Variants in LOC400499 observed in about 807,000 individuals in gnomAD.
At chr16:11,431,699 C>G in the LOC400499 span, among the ~76,000 whole-genome samples, 1 of 152,144 alleles carries the variant, frequency 6.6e-6, no homozygotes, top group African/African-American at 2.4e-5. Context: ...AGCTGCTGTG[C>G]CTGGCCTTGA....
the LOC400499 span, among the ~76,000 whole-genome samples, chr16:11,414,935 C>A: frequency 1.3e-5 from 2 of 152,206 alleles, no homozygotes; most frequent in Non-Finnish European, 2.9e-5. Context: ...CTCACCCCAC[C>A]AGAAGGTCAG....
chr16:11,488,689 G>A, the LOC400499 span: 1,553 of 398,868 alleles, frequency 3.9e-3, 16 homozygotes, highest in African/African-American at 0.015. Context: ...CAGGACAGGG[G>A]CTGCCCAGGA....
chr16:11,488,768 T>C, the LOC400499 span: 5 of 398,962 alleles, frequency 1.3e-5, no homozygotes, highest in Non-Finnish European at 2.2e-5. Flanking sequence ...GTGGAACTCC[T>C]GGCTGAGGAT....
the LOC400499 span, among the ~76,000 whole-genome samples, chr16:11,405,676 C>T: frequency 6.6e-6 from 1 of 152,146 alleles, no homozygotes; most frequent in South Asian, 2.1e-4. Flanking sequence ...TCACTACTGC[C>T]CCCAGCTTGG....
chr16:11,396,085 C>T, the LOC400499 span, among the ~76,000 whole-genome samples: 1 of 152,250 alleles, frequency 6.6e-6, no homozygotes, highest in Non-Finnish European at 1.5e-5. Flanking sequence ...TTCTCTCAGG[C>T]ACTGCTCTAA....
chr16:11,398,164 C>T, the LOC400499 span, among the ~76,000 whole-genome samples: 1 of 152,198 alleles, frequency 6.6e-6, no homozygotes, highest in Non-Finnish European at 1.5e-5. Context: ...TCAGATGAAA[C>T]ACCAGAGGCT....
chr16:11,453,233 T>C, the LOC400499 span, among the ~76,000 whole-genome samples: 3 of 152,184 alleles, frequency 2.0e-5, no homozygotes, highest in African/African-American at 7.2e-5. Flanking sequence ...AAATCTGTGC[T>C]CCAGAATATC....
chr16:11,420,016 C>G, the LOC400499 span, among the ~76,000 whole-genome samples: 1 of 150,178 alleles, frequency 6.7e-6, no homozygotes, highest in Non-Finnish European at 1.5e-5. Flanking sequence ...CTAGTTCAAC[C>G]ATTGTGGAAG....
chr16:11,384,258 G>T, the LOC400499 span: 4 of 1,232,346 alleles, frequency 3.2e-6, no homozygotes, highest in African/African-American at 4.6e-5. Flanking sequence ...GGGCCATAGA[G>T]CCATCCGGCA....
the LOC400499 span, chr16:11,425,312 G>A: frequency 2.5e-6 from 1 of 399,264 alleles, no homozygotes; most frequent in East Asian, 3.6e-5. Context: ...GCAAGGCCTG[G>A]CTGCTGTTCT....
At chr16:11,415,921 C>T in the LOC400499 span, among the ~76,000 whole-genome samples, 5 of 150,384 alleles carry the variant, frequency 3.3e-5, no homozygotes, top group African/African-American at 5.0e-5. Context: ...AGGAGGCTAA[C>T]GGCCAAAAAT....
At chr16:11,390,080 G>A in the LOC400499 span, 14 of 1,225,280 alleles carry the variant, frequency 1.1e-5, no homozygotes, top group Admixed American at 4.2e-5. Flanking sequence ...CACGCAGGAT[G>A]CGCTACTCTC....
At chr16:11,438,039 T>A in the LOC400499 span, among the ~76,000 whole-genome samples, 1 of 152,234 alleles carries the variant, frequency 6.6e-6, no homozygotes, top group East Asian at 1.9e-4. Flanking sequence ...CTCCATGATC[T>A]TGGGCAAGTC....
At chr16:11,478,957 C>T in the LOC400499 span, among the ~76,000 whole-genome samples, 11 of 152,212 alleles carry the variant, frequency 7.2e-5, no homozygotes, top group African/African-American at 2.7e-4. Flanking sequence ...CCATGTAAGA[C>T]GTGACTTCCT....
At chr16:11,462,070 T>C in the LOC400499 span, 3 of 1,411,844 alleles carry the variant, frequency 2.1e-6, no homozygotes, top group Admixed American at 3.0e-5. Context: ...CACCACACCC[T>C]AACCTGGCCA....
chr16:11,388,044 G>T, the LOC400499 span, among the ~76,000 whole-genome samples: 3 of 152,150 alleles, frequency 2.0e-5, no homozygotes, highest in Non-Finnish European at 4.4e-5. Context: ...TGGGGGTATA[G>T]TGGGAAGACA....
At chr16:11,525,013 G>A in the LOC400499 span, among the ~76,000 whole-genome samples, 14 of 152,136 alleles carry the variant, frequency 9.2e-5, 1 homozygote, top group East Asian at 5.8e-4. Flanking sequence ...GCCTGGGTAC[G>A]GTGGCTCATG....
At chr16:11,447,512 C>G in the LOC400499 span, among the ~76,000 whole-genome samples, 6 of 152,134 alleles carry the variant, frequency 3.9e-5, no homozygotes, top group African/African-American at 1.4e-4. Flanking sequence ...GCTGCTGTTC[C>G]TTTGTCATCA....
At chr16:11,385,049 T>G in the LOC400499 span, 3 of 1,231,564 alleles carry the variant, frequency 2.4e-6, no homozygotes, top group East Asian at 3.2e-5. Flanking sequence ...CAGGGAGGAG[T>G]TGTACAGCCT....
Sources: allele counts gnomAD v4.1 joint callset (sites outside exome capture counted in the v4.1 genomes callset), GRCh38; gene constraint gnomAD v4.1.1; transcripts MANE v1.5.